Variants in SRBD1 observed in about 807,000 individuals in gnomAD.
The protein encoded by SRBD1 is S1 RNA binding domain 1, also known as S1 RNA-binding domain-containing protein 1.
Under a neutral mutation model 115.3 loss-of-function variants are expected in SRBD1, and 88 were observed. The observed-to-expected ratio is 0.76, with a 90% CI of 0.64 to 0.91. The LOEUF (loss-of-function observed/expected upper bound fraction) is 0.91, where lower values mean the gene tolerates loss of function less well. Ranked by LOEUF, SRBD1 falls within the 40% of genes least tolerant of loss-of-function variation. The pLI is 0.00. For missense variants in SRBD1, 1,385 were observed against 1,177.4 expected (o/e 1.18, Z -2.58); for synonymous variants, 509 against 407.7 (o/e 1.25, Z -2.99).
At chr2:45,398,925 G>C (rs1388818280) in intron 19 of SRBD1, among the ~76,000 whole-genome samples, 1 of 152,140 alleles carries the variant, frequency 6.6e-6, no homozygotes, top group Admixed American at 6.5e-5. Context: ...AATAGGAAAG[G>C]TGTTGTGTAC....
intron 16 of SRBD1, among the ~76,000 whole-genome samples, chr2:45,458,744 A>G (rs985570269): frequency 1.3e-5 from 2 of 152,120 alleles, no homozygotes; most frequent in Non-Finnish European, 2.9e-5. Flanking sequence ...TCCTTTTTAG[A>G]ACACACACAA....
At position 45,429,164 on chromosome 2, in the gene SRBD1, C is replaced by T. The variant is rs766055104; in HGVS notation, c.2050-9270G>A. The stretch of plus-strand genomic sequence containing the variant: ...ATTGAGCTAGTAATTAATAGCCTAC[C>T]AACCAAAAAAGCCCAGGACCTGAAG... On this transcript the variant is annotated intron_variant, in intron 16 of 20. Transcript: ENST00000263736. Among the ~76,000 whole-genome samples the T allele has an allele frequency of 9.2e-5, 14 of 152,012 alleles. No individual in the cohort carries two copies. In the South Asian group the frequency reaches 1.0e-3, roughly 11 times the overall value.
intron 14 of SRBD1, among the ~76,000 whole-genome samples, chr2:45,497,603 G>A (rs914999144): frequency 3.9e-5 from 6 of 151,998 alleles, no homozygotes; most frequent in African/African-American, 7.2e-5. Flanking sequence ...TTCTGGTCCC[G>A]GGCCCACACT....
rs1293231200 is a variant in SRBD1 at position 45,488,234 on chromosome 2, T to C, written c.1966+6A>G. The C allele has an allele frequency of 6.2e-7, 1 of 1,612,956 alleles. No individual in the cohort carries two copies. The highest frequency in any genetic ancestry group is 1.3e-5 in the African/African-American group (1 of 75,028). On this transcript the variant is annotated splice_donor_region_variant and intron_variant, in intron 15 of 20. Coordinates refer to ENST00000263736, the MANE Select transcript of SRBD1 (RefSeq NM_018079.5). ...CATGTTTTTGTGATGGTCCATAGTT[T>C]CTTACCTGCACTTCTCAAATTAGGG...
In SRBD1 at chr2:45,609,266, AATGT is replaced by A. The variant is rs1674371217; in HGVS notation, c.-1+1949_-1+1952del. Among the ~76,000 whole-genome samples the A allele has an allele frequency of 7.2e-5, 11 of 152,340 alleles. No individual in the cohort carries two copies. The South Asian group carries it at 2.3e-3, about 32-fold the overall frequency. ...TCCAAAGTTCCATTTGCTAAGTCAA[AATGT>A]TACAAATCTTTTTTTCTTTCATCTC... On this transcript the variant is annotated intron_variant, in intron 1 of 20. Transcript: ENST00000263736.
Position 45,610,879 on chromosome 2 carries a change from G to A in SRBD1, c.-1+340C>T, listed in dbSNP as rs186724057. Among the ~76,000 whole-genome samples the A allele has an allele frequency of 9.7e-3, 1,470 of 151,456 alleles. 13 individuals are homozygous for A. The highest frequency in any genetic ancestry group is 0.015 in the Non-Finnish European group (1,033 of 67,918). ...GGAGGCGGAGCTTGCAGTGAGCCGA[G>A]ATCGCTCCACTACACTCCAGCCTGG... On this transcript the variant is annotated intron_variant, in intron 1 of 20. Coordinates refer to ENST00000263736, the MANE Select transcript of SRBD1 (RefSeq NM_018079.5).
chr2:45,503,945 A>C (rs1670717954), intron 14 of SRBD1, among the ~76,000 whole-genome samples: 1 of 152,174 alleles, frequency 6.6e-6, no homozygotes, highest in African/African-American at 2.4e-5. Context: ...TTAAATTTGC[A>C]ACAAGAATCC....
chr2:45,608,477 G>C (rs1482001786), intron 1 of SRBD1, among the ~76,000 whole-genome samples: 2 of 152,080 alleles, frequency 1.3e-5, no homozygotes, highest in Non-Finnish European at 2.9e-5. Context: ...CAATATTCTT[G>C]AGGCCTGTTT....
At chr2:45,514,930 G>C (rs1009536) in intron 14 of SRBD1, among the ~76,000 whole-genome samples, 1 of 152,110 alleles carries the variant, frequency 6.6e-6, no homozygotes, top group Non-Finnish European at 1.5e-5. Context: ...ATGAACAGCT[G>C]TAACAGACCA....
chr2:45,523,547 A>C (rs1671351651), intron 14 of SRBD1, among the ~76,000 whole-genome samples: 1 of 151,934 alleles, frequency 6.6e-6, no homozygotes, highest in South Asian at 2.1e-4. Context: ...ATTAAAAATT[A>C]TTATAAGAAC....
chr2:45,429,093 C>T (rs1399465151), intron 16 of SRBD1, among the ~76,000 whole-genome samples: 1 of 152,036 alleles, frequency 6.6e-6, no homozygotes, highest in Non-Finnish European at 1.5e-5. Flanking sequence ...CAAGACTACA[C>T]CAGGAAAAAG....
intron 15 of SRBD1, among the ~76,000 whole-genome samples, chr2:45,479,791 T>C (rs1173059287): frequency 6.6e-6 from 1 of 152,176 alleles, no homozygotes; most frequent in East Asian, 1.9e-4. Flanking sequence ...AGCCTTCTCT[T>C]GGAAGAAGAT....
chr2:45,449,615 G>A (rs1286452933), intron 16 of SRBD1, among the ~76,000 whole-genome samples: 2 of 151,990 alleles, frequency 1.3e-5, no homozygotes, highest in African/African-American at 2.4e-5. Flanking sequence ...ATAATATTAG[G>A]ACTATAATTT....
At chr2:45,431,184 A>C (rs1476031888) in intron 16 of SRBD1, among the ~76,000 whole-genome samples, 1 of 152,154 alleles carries the variant, frequency 6.6e-6, no homozygotes, top group Non-Finnish European at 1.5e-5. Flanking sequence ...TTTTTGGAAC[A>C]CTTTAACGCT....
chr2:45,497,818 C>T (rs546982573), intron 14 of SRBD1, among the ~76,000 whole-genome samples: 10 of 152,068 alleles, frequency 6.6e-5, no homozygotes, highest in East Asian at 1.9e-4. Flanking sequence ...GGGCAGATCA[C>T]GAGGTCAGGA....
At chr2:45,436,984 G>A (rs1668517377) in intron 16 of SRBD1, among the ~76,000 whole-genome samples, 1 of 152,098 alleles carries the variant, frequency 6.6e-6, no homozygotes, top group Admixed American at 6.5e-5. Flanking sequence ...CAATAAATAA[G>A]TGGTATTTAA....
intron 7 of SRBD1, among the ~76,000 whole-genome samples, chr2:45,578,532 C>G (rs1417430345): frequency 6.6e-6 from 1 of 152,184 alleles, no homozygotes; most frequent in Non-Finnish European, 1.5e-5. Flanking sequence ...TTTTAAATCA[C>G]AAATTCACAT....
intron 16 of SRBD1, among the ~76,000 whole-genome samples, chr2:45,458,219 T>C (rs985309893): frequency 7.9e-5 from 12 of 152,060 alleles, no homozygotes; most frequent in African/African-American, 1.7e-4. Context: ...AAAAGATTAA[T>C]TGAAGAGAGA....
chr2:45,508,576 A>T (rs1670866745), intron 14 of SRBD1, among the ~76,000 whole-genome samples: 1 of 152,134 alleles, frequency 6.6e-6, no homozygotes, highest in South Asian at 2.1e-4. Flanking sequence ...AGTATCTCTA[A>T]TATTATTGTA....
Sources: gnomAD v4.1 joint callset for allele counts (sites outside exome capture counted in the v4.1 genomes callset) on GRCh38, gnomAD v4.1.1 for gene constraint, MANE v1.5 for transcripts, NCBI Gene and HGNC (gene_info 2026-07-23, HGNC 2026-07-21) for gene names.